Variants in IGLL5 observed in about 807,000 individuals in gnomAD.
IGLL5 encodes immunoglobulin lambda-like polypeptide 5.
A neutral mutation model predicts 20.9 loss-of-function variants in IGLL5; 30 were observed. The ratio of observed to expected loss-of-function variants is 1.44; its 90% CI spans 1.07 to 1.95. The LOEUF is 1.95. Among genes scored for constraint, IGLL5 ranks in the 30% most tolerant of loss-of-function variants. The probability of loss-of-function intolerance (pLI) is 0.00; values close to 1 mark genes in which losing one functional copy is unlikely to be tolerated. For synonymous variants in IGLL5, 203 were observed against 117.3 expected, an observed-to-expected ratio of 1.73 and a Z score of -4.72; for missense variants, 475 against 270.7, an observed-to-expected ratio of 1.75 and a Z score of -5.30.
intron 1 of IGLL5, among the ~76,000 whole-genome samples, chr22:22,888,754 T>C (rs551495323): frequency 2.0e-5 from 3 of 151,246 alleles, no homozygotes; most frequent in Middle Eastern, 3.7e-3. Flanking sequence ...TGCACATAAA[T>C]GCTTACTGGG....
At chr22:22,894,684 G>T in intron 2 of IGLL5, among the ~76,000 whole-genome samples, 1 of 151,406 alleles carries the variant, frequency 6.6e-6, no homozygotes, top group Non-Finnish European at 1.5e-5. Flanking sequence ...GTGGGCCTGG[G>T]GGCTGCTGAG....
At chr22:22,893,998 C>T (rs1601622542) in intron 2 of IGLL5, among the ~76,000 whole-genome samples, 180 bp downstream of exon 2, 3 of 150,262 alleles carry the variant, frequency 2.0e-5, no homozygotes, top group Middle Eastern at 3.7e-3. Flanking sequence ...GAAGGGCCTC[C>T]ACAGTGGGAG....
chr22:22,893,979 A>C (rs184060569), intron 2 of IGLL5, among the ~76,000 whole-genome samples, 161 bp downstream of exon 2: 8 of 151,328 alleles, frequency 5.3e-5, no homozygotes, highest in Middle Eastern at 3.8e-3. Context: ...GTCTCCGGGT[A>C]ACCGGCAGGA....
At chr22:22,893,919 T>A (rs556352173) in intron 2 of IGLL5, 101 bp downstream of exon 2, 4 of 845,706 alleles carry the variant, frequency 4.7e-6, no homozygotes, top group African/African-American at 3.3e-5. Flanking sequence ...CCTCCCAGCC[T>A]TAAGCACTGA....
chr22:22,889,364 T>C (rs1158714445), intron 1 of IGLL5, among the ~76,000 whole-genome samples: 2 of 151,160 alleles, frequency 1.3e-5, no homozygotes, highest in Admixed American at 6.6e-5. Context: ...GTATAACCAT[T>C]TTAGCAACAG....
intron 1 of IGLL5, among the ~76,000 whole-genome samples, chr22:22,893,489 T>A (rs1287457932): frequency 1.3e-5 from 2 of 150,642 alleles, no homozygotes; most frequent in African/African-American, 4.9e-5. Context: ...ACTCAGGGAG[T>A]TGCTGGGACC....
intron 2 of IGLL5, among the ~76,000 whole-genome samples, chr22:22,895,103 C>T (rs1601630243): frequency 6.6e-6 from 1 of 151,368 alleles, no homozygotes; most frequent in African/African-American, 2.4e-5. Context: ...ACACAGCCTG[C>T]CCTGGGTATA....
chr22:22,888,690 A>G lies in IGLL5; in HGVS notation c.206+431A>G, dbSNP rs532248105. Reference sequence around the variant, plus strand: ...AGTGAGGGCAGGGGCCACTCCCTGGAGAAGGCAGCAAGGGCTTGGTTTGGT... The same window carrying G: ...AGTGAGGGCAGGGGCCACTCCCTGGGGAAGGCAGCAAGGGCTTGGTTTGGT... On this transcript the variant is annotated intron_variant, in intron 1 of 2. Transcript: ENST00000526893. Among the ~76,000 whole-genome samples, 6 of 151,284 alleles carry G rather than the reference A, an allele frequency of 4.0e-5. 1 individual carries two copies. Among genetic ancestry groups the G allele is most frequent in the East Asian group, 2.0e-4 (1 of 4,910 alleles).
chr22:22,893,985 C>G, intron 2 of IGLL5, among the ~76,000 whole-genome samples, 167 bp downstream of exon 2: 1 of 151,082 alleles, frequency 6.6e-6, no homozygotes, highest in Non-Finnish European at 1.5e-5. Context: ...GGGTAACCGG[C>G]AGGAAGGGCC....
Position 22,896,058 on chromosome 22 carries a change from CCCACACCCT to C in IGLL5, c.*367_*375del, listed in dbSNP as rs993912613. On this transcript the variant is annotated 3_prime_UTR_variant, in exon 3 of 3. Transcript: ENST00000526893. ...CAGTCTGGCATCAGTTCAGACCAGT[CCCACACCCT>C]CCTAAATTTTACTTCTCAATAAATA... is the stretch of plus-strand genomic sequence containing the variant. The C allele has an allele frequency of 1.4e-5, 6 of 427,268 alleles. No homozygotes were observed. Among genetic ancestry groups the C allele is most frequent in the African/African-American group, 1.0e-4 (5 of 49,832 alleles). The allele number at this position is 427,268 out of a possible 1,614,324, so 26.5% of individuals were successfully genotyped here. A position where few individuals can be genotyped will look rare whatever the true frequency, so the allele number is the denominator to read the frequency against.
At chr22:22,892,471 T>C (rs2146020361) in intron 1 of IGLL5, among the ~76,000 whole-genome samples, 1 of 151,070 alleles carries the variant, frequency 6.6e-6, no homozygotes, top group East Asian at 2.0e-4. Flanking sequence ...AGGATGTTAA[T>C]AGTATCTTGT....
chr22:22,894,973 G>C (rs567707584), intron 2 of IGLL5, among the ~76,000 whole-genome samples: 1 of 151,504 alleles, frequency 6.6e-6, no homozygotes, highest in Non-Finnish European at 1.5e-5. Context: ...GTTCACGGAG[G>C]AGGCTCTAGG....
At chr22:22,889,238 T>C (rs528188004) in intron 1 of IGLL5, among the ~76,000 whole-genome samples, 1 of 150,942 alleles carries the variant, frequency 6.6e-6, no homozygotes, top group African/African-American at 2.4e-5. Context: ...GGGAGGACAC[T>C]CAGATTCAGA....
chr22:22,895,260 G>A, intron 2 of IGLL5, 115 bp from the exon 3 acceptor site: 2 of 930,182 alleles, frequency 2.2e-6, no homozygotes, highest in South Asian at 1.5e-5. Context: ...GAGAACCCCG[G>A]GTGGACCGGA....
chr22:22,888,327 G>T, intron 1 of IGLL5, 68 bp downstream of exon 1: 1 of 1,460,438 alleles, frequency 6.8e-7, no homozygotes, highest in Non-Finnish European at 9.3e-7. Context: ...TGACCAAGGG[G>T]AGACAAGCCA....
chr22:22,889,441 A>G (rs943070216), intron 1 of IGLL5, among the ~76,000 whole-genome samples: 3 of 151,294 alleles, frequency 2.0e-5, no homozygotes, highest in Admixed American at 6.6e-5. Context: ...AATTTATCCT[A>G]AGGGTTGGTT....
intron 1 of IGLL5, among the ~76,000 whole-genome samples, chr22:22,889,616 C>T (rs190874000): frequency 6.6e-6 from 1 of 151,226 alleles, no homozygotes; most frequent in Admixed American, 6.6e-5. Context: ...TTGAAACAGT[C>T]TTGATCTGTT....
intron 2 of IGLL5, among the ~76,000 whole-genome samples, chr22:22,895,080 C>G (rs943774832): frequency 1.3e-5 from 2 of 151,264 alleles, no homozygotes; most frequent in Admixed American, 6.6e-5. Context: ...CTCCAGAGAT[C>G]AGAGAAGAAG....
chr22:22,894,203 C>G (rs773772334), intron 2 of IGLL5, among the ~76,000 whole-genome samples: 14 of 151,162 alleles, frequency 9.3e-5, no homozygotes, highest in Middle Eastern at 3.8e-3. Context: ...CTGGGAGCTG[C>G]TGAGTCTCAT....
Sources: gnomAD v4.1 joint callset for allele counts (sites outside exome capture counted in the v4.1 genomes callset) on GRCh38, gnomAD v4.1.1 for gene constraint, MANE v1.5 for transcripts, NCBI Gene and HGNC (gene_info 2026-07-23, HGNC 2026-07-21) for gene names.